Variants in DSCAM observed in about 807,000 individuals in gnomAD.
DSCAM encodes the protein DS cell adhesion molecule.
In DSCAM, 47 loss-of-function variants were observed where a neutral mutation model predicts 217.7. The observed-to-expected ratio is 0.22, with a 90% CI of 0.17 to 0.28. The LOEUF is 0.28. DSCAM is among the 10% of genes least tolerant of loss of function. The pLI is 1.00. For missense variants in DSCAM, 2,080 were observed against 2,618.3 expected, an observed-to-expected ratio of 0.79 and a Z score of 4.49; for synonymous variants, 1,056 against 1,015.3, an observed-to-expected ratio of 1.04 and a Z score of -0.76.
chr21:40,191,475 C>T (rs1281980065), intron 11 of DSCAM, among the ~76,000 whole-genome samples: 1 of 151,670 alleles, frequency 6.6e-6, no homozygotes, highest in Non-Finnish European at 1.5e-5. Flanking sequence ...GGTTCTGATC[C>T]CCCCCTTCCC....
intron 15 of DSCAM, among the ~76,000 whole-genome samples, chr21:40,177,689 G>A (rs570670900): frequency 2.6e-5 from 4 of 152,240 alleles, no homozygotes; most frequent in African/African-American, 9.6e-5. Flanking sequence ...ATGAAAACTC[G>A]AAAATAATTG....
chr21:40,132,795 T>C (rs1471756636), intron 19 of DSCAM, among the ~76,000 whole-genome samples: 2 of 152,176 alleles, frequency 1.3e-5, no homozygotes, highest in Non-Finnish European at 2.9e-5. Flanking sequence ...TCATGGCCCC[T>C]GAGCAGGTGT....
intron 3 of DSCAM, among the ~76,000 whole-genome samples, chr21:40,545,796 CA>C (rs1004510069): frequency 5.9e-5 from 9 of 152,172 alleles, no homozygotes; most frequent in African/African-American, 1.7e-4. Context: ...AGAGTCACCT[CA>C]AAAAGTGGCT....
At position 40,436,834 on chromosome 21, in the gene DSCAM, C is replaced by G. The variant is rs138586443; in HGVS notation, c.509-67589G>C. 1.0e-3 allele frequency among the ~76,000 whole-genome samples: 121 copies of G among 117,842 alleles called. 1 individual carries two copies. The highest frequency in any genetic ancestry group is 1.4e-3 in the Admixed American group (14 of 9,674). 77.3% of individuals were successfully genotyped at this position (117,842 alleles called of 152,430 possible). A position where few individuals can be genotyped will look rare whatever the true frequency, so the allele number is the denominator to read the frequency against. ...TGCATGCATGAAGCCAGCTTGGAAGCCTGTTTCTTGCTGAAACAATCAATT... is the reference window on the plus strand; with the variant it reads ...TGCATGCATGAAGCCAGCTTGGAAGGCTGTTTCTTGCTGAAACAATCAATT... On this transcript the variant is annotated intron_variant, in intron 3 of 32. Transcript: ENST00000400454.
At chr21:40,675,262 G>C (rs2090325903) in intron 3 of DSCAM, among the ~76,000 whole-genome samples, 2 of 152,156 alleles carry the variant, frequency 1.3e-5, no homozygotes, top group South Asian at 4.1e-4. Context: ...AGATTGGCTT[G>C]ATCCACACAA....
chr21:40,381,430 T>C (rs2075024349), intron 3 of DSCAM, among the ~76,000 whole-genome samples: 1 of 152,212 alleles, frequency 6.6e-6, no homozygotes, highest in South Asian at 2.1e-4. Context: ...GGAATGTGTA[T>C]TTCAGGTTGA....
intron 3 of DSCAM, among the ~76,000 whole-genome samples, chr21:40,420,869 G>A (rs2075417432): frequency 6.6e-6 from 1 of 152,192 alleles, no homozygotes; most frequent in Non-Finnish European, 1.5e-5. Context: ...AGAGTCCTCA[G>A]AAGGAAGAAC....
intron 1 of DSCAM, among the ~76,000 whole-genome samples, chr21:40,751,122 C>T (rs111924749): frequency 1.6e-4 from 24 of 152,246 alleles, no homozygotes; most frequent in African/African-American, 5.8e-4. Context: ...TTGGTGTTTG[C>T]TGTTTGCTCT....
chr21:40,142,011 A>G (rs2146712725), intron 18 of DSCAM, among the ~76,000 whole-genome samples: 1 of 86,686 alleles, frequency 1.2e-5, no homozygotes, highest in South Asian at 4.5e-4. Flanking sequence ...ATAAAGAACA[A>G]GGAAAAGAGA....
At chr21:40,642,379 A>G (rs908003821) in intron 3 of DSCAM, among the ~76,000 whole-genome samples, 7 of 152,164 alleles carry the variant, frequency 4.6e-5, no homozygotes, top group African/African-American at 7.2e-5. Flanking sequence ...GGAGCAGCTG[A>G]TCTAGGTCAT....
chr21:40,311,221 G>A (rs940428929), intron 9 of DSCAM, among the ~76,000 whole-genome samples: 1 of 152,164 alleles, frequency 6.6e-6, no homozygotes, highest in Non-Finnish European at 1.5e-5. Context: ...AATAATCATT[G>A]TTAATATAAA....
At chr21:40,603,759 C>G (rs1253630997) in intron 3 of DSCAM, among the ~76,000 whole-genome samples, 1 of 151,994 alleles carries the variant, frequency 6.6e-6, no homozygotes, top group Non-Finnish European at 1.5e-5. Context: ...ACATTTCACT[C>G]CACTCTCTTA....
intron 3 of DSCAM, among the ~76,000 whole-genome samples, chr21:40,691,969 A>T (rs2090542935): frequency 6.6e-6 from 1 of 152,250 alleles, no homozygotes; most frequent in African/African-American, 2.4e-5. Context: ...TTAGTCAAGA[A>T]GTCTGTTAAC....
chr21:40,378,530 T>G (rs2074985924), intron 3 of DSCAM, among the ~76,000 whole-genome samples: 1 of 147,720 alleles, frequency 6.8e-6, no homozygotes, highest in African/African-American at 2.5e-5. Context: ...AATGCACGGA[T>G]GCATAATTTA....
intron 3 of DSCAM, among the ~76,000 whole-genome samples, chr21:40,597,218 T>G (rs938713642): frequency 2.6e-5 from 4 of 152,234 alleles, no homozygotes; most frequent in African/African-American, 9.6e-5. Flanking sequence ...TTCAACTAAT[T>G]TTTGCCTGAC....
At chr21:40,578,603 C>G (rs141581624) in intron 3 of DSCAM, among the ~76,000 whole-genome samples, 1 of 152,144 alleles carries the variant, frequency 6.6e-6, no homozygotes, top group East Asian at 1.9e-4. Flanking sequence ...GCGTGGGACC[C>G]CTTTTGCACT....
intron 3 of DSCAM, among the ~76,000 whole-genome samples, chr21:40,454,867 G>A (rs375670931): frequency 3.9e-5 from 6 of 152,318 alleles, no homozygotes; most frequent in South Asian, 2.1e-4. Context: ...GGCAGGGCCA[G>A]ATAAATTCTA....
intron 1 of DSCAM, among the ~76,000 whole-genome samples, chr21:40,728,769 G>A (rs899059628): frequency 6.6e-6 from 1 of 152,102 alleles, no homozygotes; most frequent in African/African-American, 2.4e-5. Context: ...AGCACCTTAG[G>A]CCCTTCCCAA....
rs1236177063 is a variant in DSCAM, at chr21:40,368,973, A to C, written c.655+126T>G. ...TTTAAAAGAGTTTTAAAATTCCTAA[A>C]ATATTTTGGAAAAGGAATTGAAGGC... is the stretch of plus-strand genomic sequence containing the variant. On this transcript the variant is annotated intron_variant, in intron 4 of 32. Coordinates refer to ENST00000400454, the MANE Select transcript of DSCAM (RefSeq NM_001389.5). The C allele has an allele frequency of 3.6e-6, 4 of 1,107,468 alleles. No homozygotes were observed. The East Asian group carries it at 1.1e-4, about 30-fold the overall frequency. The allele number at this position is 1,107,468 out of a possible 1,614,324, so 68.6% of individuals were successfully genotyped here.
Sources: gnomAD v4.1 joint callset for allele counts (sites outside exome capture counted in the v4.1 genomes callset) on GRCh38, gnomAD v4.1.1 for gene constraint, MANE v1.5 for transcripts, NCBI Gene and HGNC (gene_info 2026-07-23, HGNC 2026-07-21) for gene names.